SLC37A3: variants seen among roughly 807,000 people sequenced by gnomAD.
SLC37A3 encodes sugar phosphate exchanger 3.
SLC37A3 carries 51 observed loss-of-function variants against 67.1 expected under a neutral mutation model. The ratio of observed to expected loss-of-function variants is 0.76; its 90% CI spans 0.61 to 0.96. The LOEUF (loss-of-function observed/expected upper bound fraction) is 0.96, where lower values mean the gene tolerates loss of function less well. SLC37A3 is among the 40% of genes least tolerant of loss of function. The pLI, the probability that SLC37A3 is intolerant of heterozygous loss-of-function variation, is 0.00. For missense variants in SLC37A3, 508 were observed against 603.0 expected (o/e 0.84, Z 1.65); for synonymous variants, 214 against 231.4 (o/e 0.92, Z 0.68).
intron 13 of SLC37A3, among the ~76,000 whole-genome samples, chr7:140,340,819 T>C (rs1458571180): frequency 2.0e-5 from 3 of 152,026 alleles, no homozygotes; most frequent in East Asian, 3.9e-4. Flanking sequence ...CAGTCCAAGC[T>C]ACTTGGGAGG....
chr7:140,362,780 G>T (rs1436055141), intron 5 of SLC37A3, among the ~76,000 whole-genome samples: 5 of 87,250 alleles, frequency 5.7e-5, no homozygotes, highest in Non-Finnish European at 7.5e-5. Context: ...GAGGTGGGGG[G>T]ATCAGCCCCC....
rs1346681801 is a variant in SLC37A3 at position 140,343,475 on chromosome 7, T to A, written c.1263A>T (p.Glu421Asp). 6.8e-6 allele frequency: 11 copies of A among 1,614,086 alleles called. No individual in the cohort carries two copies. The highest frequency in any genetic ancestry group is 9.3e-6 in the Non-Finnish European group (11 of 1,179,986). Residue 421 changes from glutamate to aspartate, a missense_variant, in exon 13 of 15, where the codon GAA becomes GAT. Physicochemically the swap from Glu to Asp is conservative, Grantham distance 45 (BLOSUM62 2). Coordinates refer to ENST00000326232, the MANE Select transcript of SLC37A3 (RefSeq NM_207113.3). ...CAATTCCTGTGACAGTGGCCAAAGC[T>A]TCACTGCTCCTTTGGATGAGCTCCT... ...GRQELIQRSSEALATVTGIVD... is the reference protein window; with the variant it reads ...GRQELIQRSSDALATVTGIVD...
chr7:140,376,724 A>G (rs1798046403), intron 3 of SLC37A3, among the ~76,000 whole-genome samples: 1 of 152,138 alleles, frequency 6.6e-6, no homozygotes, highest in South Asian at 2.1e-4. Flanking sequence ...CGAGCAGAAC[A>G]CGTTTATGTG....
chr7:140,345,022 A>C (rs1796498071), intron 12 of SLC37A3, among the ~76,000 whole-genome samples, 194 bp downstream of exon 12: 1 of 152,238 alleles, frequency 6.6e-6, no homozygotes, highest in South Asian at 2.1e-4. Context: ...CTTCTGTCAC[A>C]ATAGGACTGA....
chr7:140,358,594 G>A (rs1236679521), intron 6 of SLC37A3, 46 bp downstream of exon 6: 1 of 1,609,330 alleles, frequency 6.2e-7, no homozygotes, highest in Admixed American at 1.7e-5. Flanking sequence ...AATCCACCAT[G>A]GAAACCACTT....
intron 13 of SLC37A3, among the ~76,000 whole-genome samples, chr7:140,338,112 A>C (rs1309898057): frequency 6.6e-6 from 1 of 152,018 alleles, no homozygotes; most frequent in Non-Finnish European, 1.5e-5. Flanking sequence ...GGATGGTCTC[A>C]ATCTCCTGAC....
At chr7:140,389,184 C>T (rs10231060) in intron 1 of SLC37A3, among the ~76,000 whole-genome samples, 10,471 of 152,176 alleles carry the variant, frequency 0.069, 460 homozygotes, top group African/African-American at 0.12. Flanking sequence ...GCAGGACTAA[C>T]GAATTAGCTA....
intron 7 of SLC37A3, among the ~76,000 whole-genome samples, chr7:140,352,457 T>C (rs34178686): frequency 1.3e-5 from 2 of 152,206 alleles, no homozygotes; most frequent in African/African-American, 2.4e-5. Flanking sequence ...TTGTATCACA[T>C]AGCCTCTCAT....
At chr7:140,355,303 G>T (rs574625812) in intron 7 of SLC37A3, among the ~76,000 whole-genome samples, 1 of 151,816 alleles carries the variant, frequency 6.6e-6, no homozygotes, top group African/African-American at 2.4e-5. Flanking sequence ...CCTCCGCCTC[G>T]TGGGTTCAAA....
chr7:140,356,817 C>G (rs563481514), intron 6 of SLC37A3, among the ~76,000 whole-genome samples: 1 of 152,172 alleles, frequency 6.6e-6, no homozygotes, highest in Non-Finnish European at 1.5e-5. Flanking sequence ...ACACCAAGCA[C>G]GCCAAGTGTT....
intron 7 of SLC37A3, among the ~76,000 whole-genome samples, chr7:140,353,538 TC>T (rs1796900169): frequency 6.6e-6 from 1 of 151,880 alleles, no homozygotes; most frequent in Admixed American, 6.6e-5. Flanking sequence ...CCCCATCTGC[TC>T]AATTCTCCCG....
Position 140,335,431 on chromosome 7 carries a change from G to A in SLC37A3, c.1466C>T (p.Ala489Val). ...CACCGGTCACTCCCTCAATATGTGA[G>A]CCTGTCTCCTTAGCACGAGAGAGAA... is the stretch of plus-strand genomic sequence containing the variant. ...EIFSLVLRRQ[A>V]HILRE is the part of the protein sequence containing the mutation. The change falls in exon 15 of 15, where the codon GCT becomes GTT. Residue 489 changes from alanine (A) to valine (V), a missense_variant. Physicochemically the swap from Ala to Val is moderately conservative, Grantham distance 64. Transcript: ENST00000326232. 1 of 1,614,170 alleles carries A rather than the reference G, an allele frequency of 6.2e-7. No homozygotes were observed. Among genetic ancestry groups the A allele is most frequent in the Non-Finnish European group, 8.5e-7 (1 of 1,180,026 alleles).
At chr7:140,386,942 C>T (rs1798476738) in intron 1 of SLC37A3, 1 of 151,956 alleles carries the variant, frequency 6.6e-6, no homozygotes, top group Non-Finnish European at 1.5e-5. Flanking sequence ...AATTATCAAC[C>T]GATATTTGTC....
At chr7:140,376,004 G>A (rs1477210006) in intron 3 of SLC37A3, among the ~76,000 whole-genome samples, 1 of 152,168 alleles carries the variant, frequency 6.6e-6, no homozygotes, top group African/African-American at 2.4e-5. Flanking sequence ...GCCCTGCTGG[G>A]TACATGCACC....
chr7:140,397,127 G>T (rs1473627514), intron 1 of SLC37A3, among the ~76,000 whole-genome samples: 1 of 146,666 alleles, frequency 6.8e-6, no homozygotes, highest in African/African-American at 2.5e-5. Flanking sequence ...TTGAACCCGG[G>T]AGGCGGAGGT....
chr7:140,366,432 T>C (rs1797604231), intron 4 of SLC37A3, among the ~76,000 whole-genome samples: 1 of 151,980 alleles, frequency 6.6e-6, no homozygotes, highest in Non-Finnish European at 1.5e-5. Context: ...TCTGTTTTGC[T>C]GCAGAAAGCA....
At chr7:140,372,833 A>C (rs1399867639) in intron 3 of SLC37A3, among the ~76,000 whole-genome samples, 1 of 151,906 alleles carries the variant, frequency 6.6e-6, no homozygotes, top group Non-Finnish European at 1.5e-5. Flanking sequence ...ACTGCACTCC[A>C]GCCTGGGTGA....
intron 1 of SLC37A3, among the ~76,000 whole-genome samples, chr7:140,387,702 A>AATATAAATATATTAT (rs1563053042): frequency 3.3e-5 from 2 of 60,206 alleles, no homozygotes; most frequent in African/African-American, 1.1e-4. Context: ...ATATTATATA[A>AATATAAATATATTAT]ATATAAATAT....
At chr7:140,337,242 C>T (rs1418784370) in intron 14 of SLC37A3, 42 bp downstream of exon 14, 2 of 1,468,798 alleles carry the variant, frequency 1.4e-6, no homozygotes, top group African/African-American at 3.0e-5. Context: ...ACTTAATTAA[C>T]AGAAAAATGA....
Sources: allele counts gnomAD v4.1 joint callset (sites outside exome capture counted in the v4.1 genomes callset), GRCh38; gene constraint gnomAD v4.1.1; transcripts MANE v1.5; gene names NCBI Gene and HGNC (gene_info 2026-07-23, HGNC 2026-07-21).